The following OMA1 variants were observed in gnomAD, a reference collection of about 807,000 sequenced individuals.
OMA1 encodes the protein metalloendopeptidase OMA1, mitochondrial.
In OMA1, 38 loss-of-function variants were observed where a neutral mutation model predicts 30.9. That is an observed-to-expected ratio of 1.23 (90% CI 0.95 to 1.61). The LOEUF (loss-of-function observed/expected upper bound fraction) is 1.61, where lower values mean the gene tolerates loss of function less well. Among genes scored for constraint, OMA1 ranks in the 40% most tolerant of loss-of-function variants. OMA1 has a pLI of 0.00. For synonymous variants in OMA1, 173 were observed against 121.9 expected (o/e 1.42, Z -2.76); for missense variants, 461 against 349.2 (o/e 1.32, Z -2.55).
intron 8 of OMA1, among the ~76,000 whole-genome samples, chr1:58,481,460 G>C (rs1208431306): frequency 1.3e-5 from 2 of 152,042 alleles, no homozygotes; most frequent in East Asian, 3.8e-4. Flanking sequence ...AAATCTTAGA[G>C]ATACATCTAT....
At chr1:58,497,681 T>C (rs1023607456) in intron 8 of OMA1, among the ~76,000 whole-genome samples, 1 of 152,204 alleles carries the variant, frequency 6.6e-6, no homozygotes, top group Non-Finnish European at 1.5e-5. Context: ...TTTGCAAGTA[T>C]GTCTCCCTCT....
chr1:58,501,642 T>A (rs991649361), intron 8 of OMA1, among the ~76,000 whole-genome samples: 1 of 152,192 alleles, frequency 6.6e-6, no homozygotes, highest in African/African-American at 2.4e-5. Flanking sequence ...TGTTCAAGTG[T>A]CAGCTTCTCA....
intron 6 of OMA1, among the ~76,000 whole-genome samples, 161 bp downstream of exon 6, chr1:58,530,440 T>C (rs1171391904): frequency 6.6e-6 from 1 of 152,200 alleles, no homozygotes; most frequent in African/African-American, 2.4e-5. Flanking sequence ...TATTCATATA[T>C]AAGAATATCC....
chr1:58,533,387 T>C (rs1451993575), intron 5 of OMA1, among the ~76,000 whole-genome samples: 1 of 152,184 alleles, frequency 6.6e-6, no homozygotes, highest in East Asian at 1.9e-4. Context: ...TATAAAATAG[T>C]AATAATAAAT....
chr1:58,513,155 C>T (rs193288182), intron 7 of OMA1, among the ~76,000 whole-genome samples: 163 of 152,194 alleles, frequency 1.1e-3, no homozygotes, highest in African/African-American at 3.9e-3. Flanking sequence ...AGCAGTTCCC[C>T]CATGCTGTTC....
chr1:58,484,081 C>A (rs569673091), intron 8 of OMA1, among the ~76,000 whole-genome samples: 1 of 152,152 alleles, frequency 6.6e-6, no homozygotes, highest in Non-Finnish European at 1.5e-5. Flanking sequence ...TCCTTAAATT[C>A]GCTTATTCAG....
chr1:58,530,446 T>C (rs1646417638), intron 6 of OMA1, among the ~76,000 whole-genome samples, 155 bp downstream of exon 6: 1 of 152,188 alleles, frequency 6.6e-6, no homozygotes, highest in South Asian at 2.1e-4. Context: ...TATATAAGAA[T>C]ATCCCCTAAA....
chr1:58,543,156 T>C (rs943374754), intron 1 of OMA1, among the ~76,000 whole-genome samples: 3 of 152,208 alleles, frequency 2.0e-5, no homozygotes, highest in Non-Finnish European at 4.4e-5. Flanking sequence ...GAGCTTTTAC[T>C]TTATCCCCAA....
chr1:58,511,546 C>T (rs1164123423), intron 7 of OMA1, among the ~76,000 whole-genome samples: 1 of 151,972 alleles, frequency 6.6e-6, no homozygotes, highest in East Asian at 1.9e-4. Context: ...GGAGGATCAC[C>T]TGAGCCTGGG....
At position 58,510,036 on chromosome 1, in the gene OMA1, A is replaced by T. The variant is rs75465398; in HGVS notation, c.1216-3827T>A. ...GAAAAGCCCAGAACCAGATGACCTC[A>T]CTGGTGAATGCCACCAAAAACATTT... On this transcript the variant is annotated intron_variant, in intron 7 of 8. Coordinates refer to ENST00000371226, the MANE Select transcript of OMA1 (RefSeq NM_145243.5). Among the ~76,000 whole-genome samples the T allele has an allele frequency of 8.6e-3, 1,308 of 152,292 alleles. 5 individuals are homozygous for T. Among genetic ancestry groups the T allele is most frequent in the Non-Finnish European group, 0.014 (932 of 68,014 alleles).
At chr1:58,531,170 A>C (rs1646429015) in intron 5 of OMA1, among the ~76,000 whole-genome samples, 1 of 152,206 alleles carries the variant, frequency 6.6e-6, no homozygotes, top group Non-Finnish European at 1.5e-5. Flanking sequence ...TAAAAAATCA[A>C]GTAAATGTTT....
At chr1:58,540,051 T>C (rs1487708868) in intron 1 of OMA1, among the ~76,000 whole-genome samples, 5 of 152,074 alleles carry the variant, frequency 3.3e-5, no homozygotes, top group East Asian at 1.9e-4. Context: ...CCTGAAAAGA[T>C]TGCAGGGAAT....
chr1:58,508,812 A>T (rs972678002), intron 7 of OMA1, among the ~76,000 whole-genome samples: 1 of 152,136 alleles, frequency 6.6e-6, no homozygotes, highest in African/African-American at 2.4e-5. Flanking sequence ...AGTTGGAGAG[A>T]AACTCCAGAG....
At chr1:58,500,071 C>T (rs1486942502) in intron 8 of OMA1, among the ~76,000 whole-genome samples, 4 of 152,168 alleles carry the variant, frequency 2.6e-5, no homozygotes, top group Non-Finnish European at 5.9e-5. Context: ...AAAATCACCT[C>T]TATTTTTAGC....
chr1:58,541,632 A>AAAC lies in OMA1; in HGVS notation c.-16-2323_-16-2322insGTT, dbSNP rs1646620474. On this transcript the variant is annotated intron_variant, in intron 1 of 8. Transcript: ENST00000371226. The stretch of plus-strand genomic sequence containing the variant: ...AACCTGTCAAAAAAAAAAAAAAAAA[A>AAAC]AAAAAAAAACCAAAAACAAAAAACA... The AAAC allele has an allele frequency of 3.4e-5, 5 of 146,432 alleles. 1 individual carries two copies. The highest frequency in any genetic ancestry group is 1.3e-4 in the African/African-American group (5 of 39,138). The allele number at this position is 146,432 out of a possible 1,614,324, so 9.1% of individuals were successfully genotyped here. A position where few individuals can be genotyped will look rare whatever the true frequency, so the allele number is the denominator to read the frequency against.
At chr1:58,503,344 G>GAAAT (rs1237246790) in intron 8 of OMA1, among the ~76,000 whole-genome samples, 8 of 152,142 alleles carry the variant, frequency 5.3e-5, no homozygotes, top group African/African-American at 1.9e-4. Flanking sequence ...AGTTACTGAA[G>GAAAT]AAATACATAA....
intron 7 of OMA1, among the ~76,000 whole-genome samples, chr1:58,515,695 A>T (rs1646148027): frequency 6.6e-6 from 1 of 152,196 alleles, no homozygotes; most frequent in African/African-American, 2.4e-5. Flanking sequence ...ACAGTAACCC[A>T]AATAAAACGC....
chr1:58,545,937 G>A (rs1367658390), intron 1 of OMA1, among the ~76,000 whole-genome samples: 1 of 152,222 alleles, frequency 6.6e-6, no homozygotes, highest in Non-Finnish European at 1.5e-5. Context: ...CACCCCGGCT[G>A]AGAATGACGG....
At chr1:58,489,817 T>A (rs1354024537) in intron 8 of OMA1, among the ~76,000 whole-genome samples, 12 of 152,288 alleles carry the variant, frequency 7.9e-5, no homozygotes, top group Non-Finnish European at 1.6e-4. Context: ...CCGCTGCTGA[T>A]ATCCAGGCAA....
Sources: allele counts gnomAD v4.1 joint callset (sites outside exome capture counted in the v4.1 genomes callset), GRCh38; gene constraint gnomAD v4.1.1; transcripts MANE v1.5; gene names NCBI Gene and HGNC (gene_info 2026-07-23, HGNC 2026-07-21).